ATL2: variants seen among roughly 807,000 people sequenced by gnomAD.
ATL2 encodes the protein atlastin GTPase 2.
A neutral mutation model predicts 73.9 loss-of-function variants in ATL2; 31 were observed. The ratio of observed to expected loss-of-function variants is 0.42; its 90% CI spans 0.32 to 0.57. The LOEUF is 0.57. ATL2 is among the 20% of genes least tolerant of loss of function. ATL2 has a pLI of 0.14. For missense variants in ATL2, 738 were observed against 702.6 expected (o/e 1.05, Z -0.57); for synonymous variants, 291 against 237.5 (o/e 1.23, Z -2.07).
intron 1 of ATL2, chr2:38,358,449 T>C (rs943119722): frequency 5.8e-6 from 1 of 173,284 alleles, no homozygotes; most frequent in African/African-American, 2.4e-5. Flanking sequence ...ACACCTGTAA[T>C]CCCAGCACTT....
chr2:38,337,020 T>G (rs1669396220), intron 2 of ATL2, among the ~76,000 whole-genome samples: 1 of 152,126 alleles, frequency 6.6e-6, no homozygotes, highest in South Asian at 2.1e-4. Context: ...ACCAACGGGA[T>G]GTAATCTGCA....
At chr2:38,312,724 AAG>A (rs1491068038) in intron 7 of ATL2, among the ~76,000 whole-genome samples, 1 of 130,062 alleles carries the variant, frequency 7.7e-6, no homozygotes, top group African/African-American at 4.7e-5. Flanking sequence ...AAAAAAAAAA[AAG>A]AAGGTGCTTG....
chr2:38,297,305 T>A (rs953673665), intron 12 of ATL2, among the ~76,000 whole-genome samples: 1 of 152,178 alleles, frequency 6.6e-6, no homozygotes, highest in South Asian at 2.1e-4. Context: ...ATAAGCTCAA[T>A]ATTTCATGAG....
chr2:38,343,176 AAAGATATAGTTCTG>A, intron 2 of ATL2, 78 bp downstream of exon 2: 3 of 665,792 alleles, frequency 4.5e-6, no homozygotes, highest in Non-Finnish European at 6.5e-6. Flanking sequence ...AAAAAAAAAA[AAAGATATAGTTCTG>A]GTTTTTGTCT....
intron 2 of ATL2, among the ~76,000 whole-genome samples, chr2:38,332,933 G>A (rs967449182): frequency 3.3e-5 from 5 of 152,184 alleles, no homozygotes; most frequent in Non-Finnish European, 7.3e-5. Context: ...CACATGTCTT[G>A]TAAGTCCCAG....
chr2:38,352,971 T>C (rs1670444148), intron 1 of ATL2, among the ~76,000 whole-genome samples: 2 of 152,218 alleles, frequency 1.3e-5, no homozygotes, highest in African/African-American at 2.4e-5. Context: ...GTAATTAACC[T>C]GCTTGCCAAA....
At position 38,349,747 on chromosome 2, in the gene ATL2, A is replaced by T. The variant is rs887432452; in HGVS notation, c.119-6235T>A. ...CCTTTGTTAACTCGAAAATTCACCT[A>T]TATTAGTTGGCCAGTCACTATGCAA... On this transcript the variant is annotated intron_variant, in intron 1 of 12. Transcript: ENST00000378954. Among the ~76,000 whole-genome samples, 3 of 152,270 alleles carry T rather than the reference A, an allele frequency of 2.0e-5. No individual in the cohort carries two copies. In the East Asian group the frequency reaches 5.8e-4, roughly 29 times the overall value.
intron 2 of ATL2, among the ~76,000 whole-genome samples, chr2:38,328,303 A>T (rs1183447337): frequency 2.6e-5 from 4 of 152,220 alleles, no homozygotes; most frequent in Admixed American, 2.6e-4. Flanking sequence ...AACATAGTCG[A>T]GCTGAACAGC....
chr2:38,323,602 C>A (rs998212192), intron 2 of ATL2, among the ~76,000 whole-genome samples: 1 of 152,076 alleles, frequency 6.6e-6, no homozygotes, highest in East Asian at 1.9e-4. Context: ...CTTACCTATT[C>A]TAAACAGTAA....
In ATL2 at chr2:38,294,077, G is replaced by C. The variant is rs1265471284; in HGVS notation, c.*1917C>G. Among the ~76,000 whole-genome samples the C allele has an allele frequency of 6.6e-6, 1 of 152,146 alleles. No individual in the cohort carries two copies. Among genetic ancestry groups the C allele is most frequent in the Non-Finnish European group, 1.5e-5 (1 of 68,018 alleles). On this transcript the variant is annotated 3_prime_UTR_variant, in exon 13 of 13. Transcript: ENST00000378954. ...AACAGGGTGGCAGAAGAAATAAAAA[G>C]ACACTTTTCAGGTGGATTCTTTAAG...
intron 2 of ATL2, among the ~76,000 whole-genome samples, chr2:38,339,430 G>A (rs1197385925): frequency 2.0e-5 from 3 of 152,162 alleles, no homozygotes; most frequent in African/African-American, 7.2e-5. Flanking sequence ...TCTTAGTTTT[G>A]CAAATGAATC....
At chr2:38,314,044 AAT>A (rs1361868182) in intron 6 of ATL2, among the ~76,000 whole-genome samples, 1 of 152,210 alleles carries the variant, frequency 6.6e-6, no homozygotes, top group African/African-American at 2.4e-5. Context: ...TAAGATTAAC[AAT>A]CAGTAGCAAT....
At chr2:38,342,597 T>A (rs1573531374) in intron 2 of ATL2, among the ~76,000 whole-genome samples, 1 of 152,134 alleles carries the variant, frequency 6.6e-6, no homozygotes, top group East Asian at 1.9e-4. Flanking sequence ...AAGGTAATAG[T>A]CACTAAAACT....
At chr2:38,316,148 G>A (rs1668015034) in intron 4 of ATL2, among the ~76,000 whole-genome samples, 1 of 152,182 alleles carries the variant, frequency 6.6e-6, no homozygotes, top group East Asian at 1.9e-4. Flanking sequence ...AGAACAATCT[G>A]TTCTAGGAGC....
At chr2:38,331,509 C>T (rs1005387075) in intron 2 of ATL2, among the ~76,000 whole-genome samples, 9 of 148,248 alleles carry the variant, frequency 6.1e-5, no homozygotes, top group Non-Finnish European at 1.0e-4. Flanking sequence ...ACTTGGAAGG[C>T]TGAAGCAGGA....
At chr2:38,354,613 G>T (rs1670553932) in intron 1 of ATL2, among the ~76,000 whole-genome samples, 1 of 152,216 alleles carries the variant, frequency 6.6e-6, no homozygotes, top group African/African-American at 2.4e-5. Context: ...TAAGGGGCCA[G>T]GTGTGGTGGC....
At chr2:38,312,700 C>G (rs1166306455) in intron 7 of ATL2, among the ~76,000 whole-genome samples, 6 of 128,780 alleles carry the variant, frequency 4.7e-5, no homozygotes, top group African/African-American at 1.9e-4. Flanking sequence ...TAGTGTGAGA[C>G]TGTCTTAAAA....
In ATL2 at chr2:38,355,059, A is replaced by G. The variant is rs1250742275; in HGVS notation, c.119-11547T>C. 2.7e-5 allele frequency among the ~76,000 whole-genome samples: 4 copies of G among 148,844 alleles called. No individual in the cohort carries two copies. The East Asian group carries it at 7.7e-4, about 29-fold the overall frequency. ...TTCAATAATTACATCAAATATAAAT[A>G]CACTAAACACTCCAATAAAAACGCA... On this transcript the variant is annotated intron_variant, in intron 1 of 12. Transcript: ENST00000378954.
intron 7 of ATL2, among the ~76,000 whole-genome samples, chr2:38,311,883 TTTGTG>T (rs1394363897): frequency 6.6e-6 from 1 of 152,244 alleles, no homozygotes; most frequent in Non-Finnish European, 1.5e-5. Flanking sequence ...TCTATTGTGC[TTTGTG>T]TTAATTTCTT....
Sources: allele counts gnomAD v4.1 joint callset (sites outside exome capture counted in the v4.1 genomes callset), GRCh38; gene constraint gnomAD v4.1.1; transcripts MANE v1.5; gene names NCBI Gene and HGNC (gene_info 2026-07-23, HGNC 2026-07-21).